The following ABCA9 variants were observed in gnomAD, a reference collection of about 807,000 sequenced individuals.
ABCA9 encodes ATP binding cassette subfamily A member 9, also known as ATP-binding cassette sub-family A member 9.
Under a neutral mutation model 205.3 loss-of-function variants are expected in ABCA9, and 183 were observed. The ratio of observed to expected loss-of-function variants is 0.89; its 90% CI spans 0.79 to 1.01. The LOEUF (loss-of-function observed/expected upper bound fraction) is 1.01, where lower values mean the gene tolerates loss of function less well. ABCA9 is among the 50% of genes least tolerant of loss of function. ABCA9 has a pLI of 0.00. For synonymous variants in ABCA9, 651 were observed against 683.3 expected (o/e 0.95, Z 0.74); for missense variants, 1,805 against 1,912.4 (o/e 0.94, Z 1.05).
intron 25 of ABCA9, among the ~76,000 whole-genome samples, chr17:69,002,505 C>A (rs1331167544): frequency 6.8e-6 from 1 of 146,416 alleles, no homozygotes; most frequent in South Asian, 2.2e-4. Flanking sequence ...AATTTCTGTT[C>A]TTTTACATTT....
In ABCA9 at chr17:69,016,953, C is replaced by T. The variant is rs114129947; in HGVS notation, c.2902-563G>A. 2.3e-3 allele frequency among the ~76,000 whole-genome samples: 357 copies of T among 152,082 alleles called. 1 individual carries two copies. The highest frequency in any genetic ancestry group is 8.2e-3 in the African/African-American group (340 of 41,494). ...CCAAAATGTGGGCAAGCTTTGAGAA[C>T]ACATTTTTGCAATCATAAATAAATC... On this transcript the variant is annotated intron_variant, in intron 21 of 38. Transcript: ENST00000340001.
chr17:68,996,107 G>A, intron 25 of ABCA9, 93 bp from the exon 26 acceptor site: 1 of 1,363,482 alleles, frequency 7.3e-7, no homozygotes, highest in Non-Finnish European at 9.9e-7. Flanking sequence ...TATAAACGTT[G>A]TTATTTTCAA....
chr17:69,019,706 G>C (rs1782002674), intron 19 of ABCA9, among the ~76,000 whole-genome samples: 1 of 152,274 alleles, frequency 6.6e-6, no homozygotes, highest in Non-Finnish European at 1.5e-5. Context: ...TGTTCTCAGT[G>C]AATGAGTGTT....
intron 31 of ABCA9, 52 bp downstream of exon 31, chr17:68,988,975 A>G (rs2144012485): frequency 9.1e-7 from 1 of 1,096,400 alleles, no homozygotes; most frequent in Middle Eastern, 2.4e-4. Context: ...TATTGCCATC[A>G]ATATTCTTTG....
chr17:69,026,442 C>G lies in ABCA9; in HGVS notation c.2076G>C (p.Gly692=). 6.2e-7 allele frequency: 1 copy of G among 1,613,738 alleles called. No homozygotes were observed. The highest frequency in any genetic ancestry group is 1.7e-4 in the Middle Eastern group (1 of 6,060). ...GAGAAGAGCCTGCACACTTCAGCTT[C>G]CCATTGGATATGAACACCTTCCTGT... is the stretch of plus-strand genomic sequence containing the variant. ...LADRKVFISN[G]KLKCAGSSLF... Residue 692 remains glycine, a synonymous_variant, in exon 16 of 39, where the codon GGG becomes GGC. Coordinates refer to ENST00000340001, the MANE Select transcript of ABCA9 (RefSeq NM_080283.4).
chr17:69,042,912 T>C (rs1018875399), intron 6 of ABCA9: 12 of 152,522 alleles, frequency 7.9e-5, no homozygotes, highest in African/African-American at 2.7e-4. Context: ...AGTGGGGAGA[T>C]GGTTTTGGGA....
chr17:69,041,897 G>A (rs1380021113), intron 6 of ABCA9, among the ~76,000 whole-genome samples: 2 of 152,070 alleles, frequency 1.3e-5, no homozygotes, highest in Admixed American at 1.3e-4. Flanking sequence ...CACTTGTGTA[G>A]AAAATCACAT....
chr17:68,980,144 C>A (rs1377018984), intron 37 of ABCA9, among the ~76,000 whole-genome samples: 1 of 152,120 alleles, frequency 6.6e-6, no homozygotes, highest in Non-Finnish European at 1.5e-5. Context: ...AGACACTTCT[C>A]AAAAGAAGAC....
chr17:69,053,835 G>A (rs187894644), intron 1 of ABCA9, among the ~76,000 whole-genome samples: 1 of 152,188 alleles, frequency 6.6e-6, no homozygotes. Context: ...AGGAAGGTCA[G>A]AGAACACCAA....
At chr17:69,060,536 GAGTA>G (rs755933220) in intron 1 of ABCA9, among the ~76,000 whole-genome samples, 1 of 151,734 alleles carries the variant, frequency 6.6e-6, no homozygotes, top group Non-Finnish European at 1.5e-5. Flanking sequence ...AAACAAAGAA[GAGTA>G]AGTAATTCAA....
intron 3 of ABCA9, among the ~76,000 whole-genome samples, chr17:69,047,988 G>A (rs549336064): frequency 4.6e-5 from 7 of 152,132 alleles, no homozygotes; most frequent in Non-Finnish European, 1.0e-4. Flanking sequence ...GGAGACCTCA[G>A]GACACTTACA....
rs763480191 is a variant in ABCA9 at position 68,986,292 on chromosome 17, G to A, written c.4080C>T (p.Pro1360=). The A allele has an allele frequency of 2.5e-6, 4 of 1,612,156 alleles. No individual in the cohort carries two copies. The highest frequency in any genetic ancestry group is 2.5e-6 in the Non-Finnish European group (3 of 1,179,290). The change falls in exon 32 of 39, where the codon CCC becomes CCT. Residue 1360 remains proline, a synonymous_variant. Transcript: ENST00000340001. The part of the protein sequence containing the change: ...VILKGSGGGE[P]LGFLGYCPQE... ...GAGGGCAGTACCCCAGGAAGCCCAG[G>A]GGTTCCCCTCCACCGCTCCCTTTCA...
At chr17:69,026,848 G>T in intron 15 of ABCA9, 128 bp downstream of exon 15, 1 of 1,182,104 alleles carries the variant, frequency 8.5e-7, no homozygotes, top group Non-Finnish European at 1.2e-6. Flanking sequence ...CCACAAATGA[G>T]TAAGAGCAAA....
At chr17:69,055,671 A>C (rs1273948807) in intron 1 of ABCA9, among the ~76,000 whole-genome samples, 1 of 152,180 alleles carries the variant, frequency 6.6e-6, no homozygotes, top group Non-Finnish European at 1.5e-5. Flanking sequence ...GGGTAAAATG[A>C]ACATTTCTAC....
At chr17:69,063,495 G>C (rs774749024), upstream of ABCA9, among the ~76,000 whole-genome samples, 15 of 152,160 alleles carry the variant, frequency 9.9e-5, no homozygotes, top group Admixed American at 2.0e-4. Flanking sequence ...TTTTCCAGGG[G>C]CTTTTATCTT....
At chr17:69,060,564 T>C (rs2072211018) in intron 1 of ABCA9, among the ~76,000 whole-genome samples, 1 of 152,132 alleles carries the variant, frequency 6.6e-6, no homozygotes, top group South Asian at 2.1e-4. Context: ...AATTTGGAAA[T>C]AGTTCATACT....
chr17:68,986,883 G>A (rs2069255609), intron 31 of ABCA9, among the ~76,000 whole-genome samples: 1 of 152,072 alleles, frequency 6.6e-6, no homozygotes, highest in Non-Finnish European at 1.5e-5. Flanking sequence ...ACAGCAAAAT[G>A]ACATTATCAA....
chr17:69,010,981 T>C (rs2070351670), intron 23 of ABCA9, among the ~76,000 whole-genome samples: 1 of 152,132 alleles, frequency 6.6e-6, no homozygotes, highest in Non-Finnish European at 1.5e-5. Context: ...CATAGGCCAC[T>C]GTACATATAG....
In ABCA9 at chr17:69,026,365, T is replaced by C; in HGVS notation, c.2141+12A>G. Reference sequence around the variant, plus strand: ...GCATCTGTCAACACGTCTCCAACATTCAGGGCTGTACCTTAAATGGTAGCC... The same window carrying C: ...GCATCTGTCAACACGTCTCCAACATCCAGGGCTGTACCTTAAATGGTAGCC... On this transcript the variant is annotated intron_variant, in intron 16 of 38. Transcript: ENST00000340001. 6.2e-7 allele frequency: 1 copy of C among 1,607,922 alleles called. No individual in the cohort carries two copies. Among genetic ancestry groups the C allele is most frequent in the Non-Finnish European group, 8.5e-7 (1 of 1,175,668 alleles).
Sources: allele counts gnomAD v4.1 joint callset (sites outside exome capture counted in the v4.1 genomes callset), GRCh38; gene constraint gnomAD v4.1.1; transcripts MANE v1.5; gene names NCBI Gene and HGNC (gene_info 2026-07-23, HGNC 2026-07-21).